The following GRIK1 variants were observed in gnomAD, a reference collection of about 807,000 sequenced individuals.
The protein encoded by GRIK1 is glutamate receptor ionotropic, kainate 1.
A neutral mutation model predicts 105.7 loss-of-function variants in GRIK1; 69 were observed. That is an observed-to-expected ratio of 0.65 (90% confidence interval 0.54 to 0.80). GRIK1 has a LOEUF of 0.80. Ranked by LOEUF, GRIK1 falls within the 30% of genes least tolerant of loss-of-function variation. GRIK1 has a pLI of 0.00. For missense variants in GRIK1, 1,109 were observed against 1,167.3 expected (o/e 0.95, Z 0.73); for synonymous variants, 438 against 431.3 (o/e 1.02, Z -0.19).
chr21:29,775,376 G>A (rs1359990982), intron 1 of GRIK1, among the ~76,000 whole-genome samples: 2 of 151,718 alleles, frequency 1.3e-5, no homozygotes, highest in African/African-American at 2.4e-5. Flanking sequence ...TGGTATTGTT[G>A]GACTTATAGA....
chr21:29,765,006 A>G (rs74768382), intron 1 of GRIK1, among the ~76,000 whole-genome samples: 350 of 152,310 alleles, frequency 2.3e-3, no homozygotes, highest in African/African-American at 8.0e-3. Context: ...GAAAATATAA[A>G]TCGAATAGGT....
intron 1 of GRIK1, among the ~76,000 whole-genome samples, chr21:29,715,381 G>A (rs1353192267): frequency 6.6e-6 from 1 of 152,042 alleles, no homozygotes; most frequent in Non-Finnish European, 1.5e-5. Flanking sequence ...AGGAGGCCAG[G>A]GCTGGGACTA....
At chr21:29,683,151 T>A (rs1341989130) in intron 3 of GRIK1, among the ~76,000 whole-genome samples, 1 of 152,146 alleles carries the variant, frequency 6.6e-6, no homozygotes, top group Non-Finnish European at 1.5e-5. Flanking sequence ...GAGGCTGTGG[T>A]GAAAAGGGAA....
chr21:29,780,547 C>A (rs563564593), intron 1 of GRIK1, among the ~76,000 whole-genome samples: 3 of 152,120 alleles, frequency 2.0e-5, no homozygotes, highest in Admixed American at 2.0e-4. Flanking sequence ...CCTGAAGTAG[C>A]GGAGAATTTG....
At chr21:29,739,620 T>C (rs1191212827) in intron 1 of GRIK1, among the ~76,000 whole-genome samples, 1 of 152,138 alleles carries the variant, frequency 6.6e-6, no homozygotes, top group African/African-American at 2.4e-5. Context: ...AAAGCAGAGG[T>C]CTTCAGACAT....
intron 1 of GRIK1, among the ~76,000 whole-genome samples, chr21:29,783,715 G>A (rs2066185371): frequency 6.6e-6 from 1 of 151,992 alleles, no homozygotes; most frequent in Non-Finnish European, 1.5e-5. Flanking sequence ...TATATTTTAT[G>A]TATACTTAGG....
intron 1 of GRIK1, among the ~76,000 whole-genome samples, chr21:29,832,082 G>C (rs1022210092): frequency 3.9e-5 from 6 of 152,158 alleles, no homozygotes; most frequent in African/African-American, 1.4e-4. Flanking sequence ...GCAAGGGAGT[G>C]GTTAAATCTT....
intron 1 of GRIK1, among the ~76,000 whole-genome samples, chr21:29,873,033 G>A (rs1272248282): frequency 1.3e-5 from 2 of 152,206 alleles, no homozygotes; most frequent in Non-Finnish European, 2.9e-5. Flanking sequence ...GCTAAAGTAT[G>A]TTTAGGGACT....
chr21:29,881,547 T>C (rs2069409283), intron 1 of GRIK1, among the ~76,000 whole-genome samples: 1 of 152,116 alleles, frequency 6.6e-6, no homozygotes, highest in Admixed American at 6.6e-5. Context: ...TTGGAAATGT[T>C]TACATATAAA....
intron 1 of GRIK1, among the ~76,000 whole-genome samples, chr21:29,792,715 T>G (rs1338827305): frequency 1.3e-5 from 2 of 152,224 alleles, no homozygotes; most frequent in Non-Finnish European, 2.9e-5. Context: ...TCCGAAGGCA[T>G]GGTGTGGACT....
intron 4 of GRIK1, among the ~76,000 whole-genome samples, chr21:29,660,578 C>A (rs2062944127): frequency 1.3e-5 from 2 of 152,210 alleles, no homozygotes; most frequent in South Asian, 4.1e-4. Context: ...CATAATTGGT[C>A]TGCTGCTACT....
chr21:29,814,214 G>C (rs570519562), intron 1 of GRIK1, among the ~76,000 whole-genome samples: 31 of 151,302 alleles, frequency 2.0e-4, no homozygotes, highest in African/African-American at 7.3e-4. Context: ...GCCTCCCAAA[G>C]TGCTGGGATT....
chr21:29,848,741 A>AT (rs2068206187), intron 1 of GRIK1, among the ~76,000 whole-genome samples: 1 of 122,582 alleles, frequency 8.2e-6, no homozygotes, highest in Non-Finnish European at 1.7e-5. Flanking sequence ...CCTTAAATAG[A>AT]CCAAGTTGTG....
At chr21:29,889,494 C>T (rs1332848441) in intron 1 of GRIK1, among the ~76,000 whole-genome samples, 11 of 151,822 alleles carry the variant, frequency 7.2e-5, no homozygotes, top group Non-Finnish European at 1.5e-4. Context: ...TTTTCCTTCT[C>T]CTTCTTTTTT....
chr21:29,735,120 C>T (rs1200196665), intron 1 of GRIK1, among the ~76,000 whole-genome samples: 1 of 152,200 alleles, frequency 6.6e-6, no homozygotes, highest in Non-Finnish European at 1.5e-5. Context: ...TCCATCTCCC[C>T]AACAAGAACA....
rs148864897 is a variant in GRIK1, at chr21:29,614,265, C to T, written c.1099-15328G>A. On this transcript the variant is annotated intron_variant, in intron 7 of 17. Coordinates refer to ENST00000327783, the MANE Select transcript of GRIK1 (RefSeq NM_001330994.2). ...ATCCCGTCAGTCCTGGAGGCATTTA[C>T]GCTGATCTCTGTGCATTTTCCAGTG... 2.6e-3 allele frequency among the ~76,000 whole-genome samples: 403 copies of T among 152,238 alleles called. 3 individuals carry two copies. The highest frequency in any genetic ancestry group is 9.3e-3 in the African/African-American group (385 of 41,554).
At chr21:29,567,203 C>T (rs1175909567) in intron 14 of GRIK1, among the ~76,000 whole-genome samples, 1 of 152,138 alleles carries the variant, frequency 6.6e-6, no homozygotes, top group Non-Finnish European at 1.5e-5. Context: ...TATAGTTTCA[C>T]TGTTTTTAGT....
chr21:29,789,290 G>C (rs1030796371), intron 1 of GRIK1, among the ~76,000 whole-genome samples: 5 of 152,162 alleles, frequency 3.3e-5, no homozygotes, highest in Non-Finnish European at 5.9e-5. Flanking sequence ...ACGATTAGCT[G>C]AACTATTGGT....
At chr21:29,563,318 T>G (rs916339821) in intron 14 of GRIK1, among the ~76,000 whole-genome samples, 2 of 152,290 alleles carry the variant, frequency 1.3e-5, no homozygotes, top group Non-Finnish European at 1.5e-5. Flanking sequence ...AGGACCTGGG[T>G]TAATACTGTA....
Sources: allele counts gnomAD v4.1 joint callset (sites outside exome capture counted in the v4.1 genomes callset), GRCh38; gene constraint gnomAD v4.1.1; transcripts MANE v1.5; gene names NCBI Gene and HGNC (gene_info 2026-07-23, HGNC 2026-07-21).